The following SCML4 variants were observed in gnomAD, a reference collection of about 807,000 sequenced individuals.
SCML4 encodes sex comb on midleg-like protein 4.
SCML4 carries 34 observed loss-of-function variants against 41.1 expected under a neutral mutation model. That is an observed-to-expected ratio of 0.83 (90% CI 0.63 to 1.10). SCML4 has a LOEUF of 1.10. SCML4 is among the 50% of genes least tolerant of loss of function. The probability of loss-of-function intolerance (pLI) is 0.00; values close to 1 mark genes in which losing one functional copy is unlikely to be tolerated. For missense variants in SCML4, 522 were observed against 534.1 expected (o/e 0.98, Z 0.22); for synonymous variants, 214 against 220.9 (o/e 0.97, Z 0.28).
At chr6:107,751,884 C>T (rs555383500) in intron 2 of SCML4, among the ~76,000 whole-genome samples, 11 of 152,222 alleles carry the variant, frequency 7.2e-5, no homozygotes, top group Non-Finnish European at 1.0e-4. Flanking sequence ...TCTGCCTGCC[C>T]TGGCCCCCAA....
the SCML4 span, among the ~76,000 whole-genome samples, chr6:107,830,617 A>G: frequency 2.0e-5 from 3 of 152,218 alleles, no homozygotes; most frequent in African/African-American, 7.2e-5. Flanking sequence ...TTATTACTGA[A>G]TGAATGAAAG....
intron 1 of SCML4, among the ~76,000 whole-genome samples, chr6:107,812,272 A>T (rs188581124): frequency 4.6e-5 from 7 of 152,314 alleles, no homozygotes; most frequent in African/African-American, 1.7e-4. Context: ...ATTATGGAAG[A>T]CAGTCAGAGG....
chr6:107,834,656 G>T, the SCML4 span, among the ~76,000 whole-genome samples: 1 of 152,160 alleles, frequency 6.6e-6, no homozygotes, highest in Admixed American at 6.5e-5. Context: ...GGAAGAAAAA[G>T]AATTTGGAGC....
the SCML4 span, among the ~76,000 whole-genome samples, chr6:107,831,642 C>A: frequency 1.3e-5 from 2 of 152,128 alleles, no homozygotes; most frequent in African/African-American, 4.8e-5. Flanking sequence ...ATGAAGGGTG[C>A]AGTGAGTGGC....
At chr6:107,842,645 C>T in the SCML4 span, among the ~76,000 whole-genome samples, 6 of 152,218 alleles carry the variant, frequency 3.9e-5, no homozygotes, top group South Asian at 2.1e-4. Context: ...CTGCCCAGGT[C>T]GGCCTCCCAA....
At chr6:107,754,786 T>G (rs901490340) in intron 2 of SCML4, among the ~76,000 whole-genome samples, 1 of 152,198 alleles carries the variant, frequency 6.6e-6, no homozygotes, top group African/African-American at 2.4e-5. Context: ...CCTAATGACT[T>G]TAACATCTAA....
At chr6:107,783,912 A>T (rs1781688315) in intron 1 of SCML4, among the ~76,000 whole-genome samples, 1 of 152,172 alleles carries the variant, frequency 6.6e-6, no homozygotes, top group East Asian at 1.9e-4. Flanking sequence ...GAACAGGCCC[A>T]AACAGTGCCA....
intron 2 of SCML4, among the ~76,000 whole-genome samples, chr6:107,759,154 A>C (rs969611202): frequency 1.5e-5 from 2 of 130,420 alleles, no homozygotes; most frequent in Admixed American, 7.8e-5. Flanking sequence ...AAAAAAAAAA[A>C]CCTGAAACAA....
chr6:107,725,904 C>A (rs1296775689), intron 5 of SCML4, among the ~76,000 whole-genome samples: 1 of 151,468 alleles, frequency 6.6e-6, no homozygotes, highest in Non-Finnish European at 1.5e-5. Context: ...CAGTGAAACC[C>A]CGTCTCTACT....
chr6:107,709,341 G>A (rs772052154), intron 6 of SCML4, among the ~76,000 whole-genome samples: 11 of 152,350 alleles, frequency 7.2e-5, no homozygotes, highest in South Asian at 2.1e-4. Flanking sequence ...GGACCAGGAT[G>A]TAGCTCATCA....
At chr6:107,757,672 A>T (rs1300720439) in intron 2 of SCML4, among the ~76,000 whole-genome samples, 2 of 152,176 alleles carry the variant, frequency 1.3e-5, no homozygotes, top group Non-Finnish European at 2.9e-5. Flanking sequence ...TCACACAGGG[A>T]TGTAGTTAGA....
At chr6:107,781,036 G>T (rs1362992694) in intron 1 of SCML4, among the ~76,000 whole-genome samples, 7 of 151,868 alleles carry the variant, frequency 4.6e-5, no homozygotes, top group Non-Finnish European at 1.0e-4. Context: ...ACAAAAGAAG[G>T]GTGAATAGAA....
chr6:107,709,913 T>C (rs1219881840), intron 6 of SCML4, among the ~76,000 whole-genome samples: 1 of 152,160 alleles, frequency 6.6e-6, no homozygotes, highest in African/African-American at 2.4e-5. Flanking sequence ...TTTCACCATG[T>C]TGGTCAGGCT....
intron 6 of SCML4, among the ~76,000 whole-genome samples, chr6:107,709,760 G>A (rs571658444): frequency 4.3e-4 from 65 of 151,788 alleles, no homozygotes; most frequent in Non-Finnish European, 5.3e-4. Context: ...GCGCAGGCTG[G>A]AGTGCAGTGG....
In SCML4 at chr6:107,703,389, C is replaced by A. The variant is rs1285440015; in HGVS notation, c.*1811G>T. ...AATAACTCAAGCTCAATTCAGTGAG[C>A]AAGTTTAGTACATTCTCCTCCTCCC... On this transcript the variant is annotated 3_prime_UTR_variant, in exon 8 of 8. Coordinates refer to ENST00000369020, the MANE Select transcript of SCML4 (RefSeq NM_198081.5). Among the ~76,000 whole-genome samples, 1 of 152,140 alleles carries A rather than the reference C, an allele frequency of 6.6e-6. No homozygotes were observed. The highest frequency in any genetic ancestry group is 2.4e-5 in the African/African-American group (1 of 41,420).
At chr6:107,712,802 G>A (rs967059696) in intron 6 of SCML4, among the ~76,000 whole-genome samples, 2 of 152,178 alleles carry the variant, frequency 1.3e-5, no homozygotes, top group African/African-American at 4.8e-5. Context: ...CAGCTGCAGC[G>A]AAGGTGTCAG....
intron 6 of SCML4, chr6:107,719,900 A>G: frequency 1.0e-6 from 1 of 985,382 alleles, no homozygotes; most frequent in Non-Finnish European, 1.2e-6. Context: ...CAAAATACTG[A>G]AGCTTGAAAA....
chr6:107,705,147 A>C lies in SCML4; in HGVS notation c.*53T>G. ...GTTGGCGGGATATTGGTAAGGCAGA[A>C]GATAATCTTGGGATCTGTTGTTTTG... On this transcript the variant is annotated 3_prime_UTR_variant, in exon 8 of 8. Coordinates refer to ENST00000369020, the MANE Select transcript of SCML4 (RefSeq NM_198081.5). 4 of 1,496,706 alleles carry C rather than the reference A, an allele frequency of 2.7e-6. No individual in the cohort carries two copies. The highest frequency in any genetic ancestry group is 3.6e-6 in the Non-Finnish European group (4 of 1,097,004). The allele number at this position is 1,496,706 out of a possible 1,614,324, so 92.7% of individuals were successfully genotyped here.
intron 1 of SCML4, among the ~76,000 whole-genome samples, chr6:107,787,256 A>G (rs558686485): frequency 1.9e-3 from 289 of 152,348 alleles, no homozygotes; most frequent in Non-Finnish European, 3.4e-3. Context: ...CCGGGTGAAT[A>G]GAACAACATA....
Sources: gnomAD v4.1 joint callset for allele counts (sites outside exome capture counted in the v4.1 genomes callset) on GRCh38, gnomAD v4.1.1 for gene constraint, MANE v1.5 for transcripts, NCBI Gene and HGNC (gene_info 2026-07-23, HGNC 2026-07-21) for gene names.